Variants in RIC3 observed in about 807,000 individuals in gnomAD.
RIC3 encodes protein RIC-3.
RIC3 carries 28 observed loss-of-function variants against 27.3 expected under a neutral mutation model. The observed-to-expected ratio is 1.02, with a 90% CI of 0.76 to 1.41. The LOEUF is 1.41. Among genes scored for constraint, RIC3 ranks in the 40% most tolerant of loss-of-function variants. RIC3 has a pLI of 0.00. For synonymous variants in RIC3, 184 were observed against 160.4 expected (o/e 1.15, Z -1.11); for missense variants, 501 against 444.7 (o/e 1.13, Z -1.14).
chr11:8,124,798 T>C (rs1946823594), intron 5 of RIC3, among the ~76,000 whole-genome samples: 1 of 152,092 alleles, frequency 6.6e-6, no homozygotes, highest in Admixed American at 6.6e-5. Flanking sequence ...AATTGGGTAT[T>C]TGATATGGAA....
the RIC3 span, chr11:8,097,255 G>T: frequency 6.2e-7 from 1 of 1,614,166 alleles, no homozygotes; most frequent in Non-Finnish European, 8.5e-7. Flanking sequence ...TAGCCCAACA[G>T]CTCCAGAGCA....
chr11:8,094,153 G>C, the RIC3 span: 1 of 1,613,880 alleles, frequency 6.2e-7, no homozygotes, highest in Admixed American at 1.7e-5. Flanking sequence ...GGGCCAGGGT[G>C]GCGCCGCTAG....
At chr11:8,101,189 G>A (rs1944284111), downstream of RIC3, among the ~76,000 whole-genome samples, 1 of 152,116 alleles carries the variant, frequency 6.6e-6, no homozygotes, top group East Asian at 1.9e-4. Flanking sequence ...TGCAGCCCTG[G>A]TCCTAGATTC....
chr11:8,126,782 G>T lies in RIC3; in HGVS notation c.547C>A (p.Gln183Lys), dbSNP rs746261310. ...AGCTGATGTAGCAACCGTTTCTCTT[G>T]GTCAGAAGTCACAGTCTGTGCTCTG... ...ESRAQTVTSD[Q>K]EKRLLHQLRE... is the part of the protein sequence containing the mutation. The change falls in exon 5 of 6, where the codon CAA becomes AAA. Residue 183 changes from glutamine to lysine, a missense_variant. By Grantham distance (53) the Gln-to-Lys change is moderately conservative. Transcript: ENST00000309737. The T allele has an allele frequency of 6.2e-7, 1 of 1,614,016 alleles. No homozygotes were observed. The highest frequency in any genetic ancestry group is 1.1e-5 in the South Asian group (1 of 91,076).
intron 1 of RIC3, among the ~76,000 whole-genome samples, chr11:8,146,327 G>A (rs926788076): frequency 1.3e-5 from 2 of 152,110 alleles, no homozygotes; most frequent in East Asian, 1.9e-4. Context: ...CACACATAAC[G>A]ATATTAATCT....
chr11:8,103,025 T>G (rs752459737), downstream of RIC3: 17 of 152,286 alleles, frequency 1.1e-4, no homozygotes, highest in African/African-American at 4.1e-4. Flanking sequence ...CAGTTCCCTG[T>G]TGAAAGTTGT....
chr11:8,108,022 G>T lies in RIC3; in HGVS notation c.*2676C>A, dbSNP rs762442661. 1 of 152,156 alleles carries T rather than the reference G, an allele frequency of 6.6e-6. No individual in the cohort carries two copies. The highest frequency in any genetic ancestry group is 1.5e-5 in the Non-Finnish European group (1 of 68,018). 9.4% of individuals were successfully genotyped at this position (152,156 alleles called of 1,614,324 possible). ...AAAATAATTCTGGAAAATCCAAAAA[G>T]AATTTTCTAAATCCTAAATAACTGA... On this transcript the variant is annotated 3_prime_UTR_variant, in exon 6 of 6. Transcript: ENST00000309737.
At chr11:8,143,901 C>G (rs190478830) in intron 1 of RIC3, among the ~76,000 whole-genome samples, 49 of 152,276 alleles carry the variant, frequency 3.2e-4, no homozygotes, top group Non-Finnish European at 5.6e-4. Context: ...AGACCTTTGA[C>G]AAACCTGAGA....
At chr11:8,099,490 G>A in the RIC3 span, among the ~76,000 whole-genome samples, 1 of 152,190 alleles carries the variant, frequency 6.6e-6, no homozygotes, top group Admixed American at 6.5e-5. Context: ...ATCCTGTGGT[G>A]CCACCTGCTG....
At chr11:8,097,716 G>A in the RIC3 span, 1 of 1,612,742 alleles carries the variant, frequency 6.2e-7, no homozygotes, top group Admixed American at 1.7e-5. Flanking sequence ...TCCCCAAGGT[G>A]TTCCTCCTGG....
the RIC3 span, chr11:8,097,728 G>A: frequency 1.7e-5 from 27 of 1,613,664 alleles, no homozygotes; most frequent in South Asian, 2.2e-5. Context: ...TCCTCCTGGC[G>A]GGAAGGAAGA....
chr11:8,133,066 G>A (rs1947928412), intron 4 of RIC3, among the ~76,000 whole-genome samples: 1 of 152,204 alleles, frequency 6.6e-6, no homozygotes. Context: ...GGACATGAGA[G>A]CAGAGCCCTC....
In RIC3 at chr11:8,110,709, C is replaced by A; in HGVS notation, c.1099G>T (p.Gly367Cys). The change falls in exon 6 of 6, where the codon GGT (glycine) becomes TGT (cysteine). Residue 367 changes from glycine (G) to cysteine (C), a missense_variant. Gly to Cys is a radical substitution (Grantham distance 159). Coordinates refer to ENST00000309737, the MANE Select transcript of RIC3 (RefSeq NM_001206671.4). ...GSMLRKRNPQ[G>C]LE ...CAGACTGGCTGTTTTCACTCTAAAC[C>A]CTGGGGGTTACGCTTCCTCAGCATG... The A allele has an allele frequency of 6.2e-7, 1 of 1,614,108 alleles. No individual in the cohort carries two copies. The highest frequency in any genetic ancestry group is 1.1e-5 in the South Asian group (1 of 91,070).
intron 5 of RIC3, among the ~76,000 whole-genome samples, chr11:8,114,033 C>T (rs1945563672): frequency 6.6e-6 from 1 of 152,128 alleles, no homozygotes; most frequent in Non-Finnish European, 1.5e-5. Context: ...GGCTTCAACC[C>T]CAACCCCACG....
At chr11:8,167,070 T>A (rs1403703997) in intron 1 of RIC3, among the ~76,000 whole-genome samples, 2 of 152,122 alleles carry the variant, frequency 1.3e-5, no homozygotes, top group Non-Finnish European at 2.9e-5. Flanking sequence ...TCAAGGTAAG[T>A]TTTTTCCTAG....
chr11:8,153,802 C>T (rs968934724), intron 1 of RIC3, among the ~76,000 whole-genome samples: 1 of 152,162 alleles, frequency 6.6e-6, no homozygotes, highest in Non-Finnish European at 1.5e-5. Flanking sequence ...AAAATGAACT[C>T]ATTTTCACCT....
chr11:8,104,480 A>G (rs1325786559), downstream of RIC3: 2 of 152,244 alleles, frequency 1.3e-5, no homozygotes, highest in African/African-American at 4.8e-5. Flanking sequence ...GCAATCAGCA[A>G]TCAACTGAGG....
chr11:8,152,326 T>C (rs1950313677), intron 1 of RIC3, among the ~76,000 whole-genome samples: 1 of 152,200 alleles, frequency 6.6e-6, no homozygotes, highest in African/African-American at 2.4e-5. Flanking sequence ...TAAATGTCCA[T>C]CAACTTATGA....
intron 1 of RIC3, among the ~76,000 whole-genome samples, chr11:8,143,952 G>A (rs1377756618): frequency 6.6e-6 from 1 of 152,168 alleles, no homozygotes; most frequent in African/African-American, 2.4e-5. Flanking sequence ...TTAATAAATG[G>A]TGCTGGGATA....
Sources: gnomAD v4.1 joint callset for allele counts (sites outside exome capture counted in the v4.1 genomes callset) on GRCh38, gnomAD v4.1.1 for gene constraint, MANE v1.5 for transcripts, NCBI Gene and HGNC (gene_info 2026-07-23, HGNC 2026-07-21) for gene names.